The following ABCA13 variants were observed in gnomAD, a reference collection of about 807,000 sequenced individuals.
The protein encoded by ABCA13 is ATP-binding cassette sub-family A member 13.
Under a neutral mutation model 478.7 loss-of-function variants are expected in ABCA13, and 476 were observed. The ratio of observed to expected loss-of-function variants is 0.99; its 90% CI spans 0.92 to 1.07. ABCA13 has a LOEUF of 1.07. Among genes scored for constraint, ABCA13 ranks in the 50% least tolerant of loss-of-function variants. The pLI is 0.00. For synonymous variants in ABCA13, 2,252 were observed against 2,158.9 expected, an observed-to-expected ratio of 1.04 and a Z score of -1.20; for missense variants, 6,060 against 5,910.6, an observed-to-expected ratio of 1.03 and a Z score of -0.83.
At position 48,481,055 on chromosome 7, in the gene ABCA13, C is replaced by G; in HGVS notation, c.12995C>G (p.Ala4332Gly). The G allele has an allele frequency of 6.3e-7, 1 of 1,597,456 alleles. No individual in the cohort carries two copies. The highest frequency in any genetic ancestry group is 8.5e-7 in the Non-Finnish European group (1 of 1,171,416). ...TTTCAGAAGTGTCCAAATAGAAGTG[C>G]TAGTGCTCCCTACCTGACCAACCAC... ...CGCLKCPNRS[A>G]SAPYLTNHLG... The change falls in exon 46 of 62, where the codon GCT becomes GGT. Residue 4332 changes from alanine to glycine, a missense_variant. Coordinates refer to ENST00000435803, the MANE Select transcript of ABCA13 (RefSeq NM_152701.5).
At chr7:48,482,901 A>G (rs1828919278) in intron 46 of ABCA13, among the ~76,000 whole-genome samples, 175 bp from the exon 47 acceptor site, 1 of 152,210 alleles carries the variant, frequency 6.6e-6, no homozygotes, top group Non-Finnish European at 1.5e-5. Flanking sequence ...GGAGCCAGGA[A>G]ACTTGCATCA....
chr7:48,248,162 G>A lies in ABCA13; in HGVS notation c.1660-77G>A, dbSNP rs1791989033. ...AGTGGACCCCTTGTTTAGTGATACA[G>A]GGTCAAGGCTGCGTCTCAAATACCC... On this transcript the variant is annotated intron_variant, in intron 13 of 61. Transcript: ENST00000435803. 2.4e-6 allele frequency: 3 copies of A among 1,244,970 alleles called. No individual in the cohort carries two copies. The South Asian group carries it at 4.3e-5, about 18-fold the overall frequency. The allele number at this position is 1,244,970 out of a possible 1,614,324, so 77.1% of individuals were successfully genotyped here. A position where few individuals can be genotyped will look rare whatever the true frequency, so the allele number is the denominator to read the frequency against.
Position 48,590,724 on chromosome 7 carries a change from C to T in ABCA13, c.14640+3436C>T, listed in dbSNP as rs1410425382. ...CTCATTGTGGTTTTCATTTGCATTTCCCTGATTATTAATAATGTCGAACAT... is the reference window on the plus strand; with the variant it reads ...CTCATTGTGGTTTTCATTTGCATTTTCCTGATTATTAATAATGTCGAACAT... On this transcript the variant is annotated intron_variant, in intron 57 of 61. Coordinates refer to ENST00000435803, the MANE Select transcript of ABCA13 (RefSeq NM_152701.5). Among the ~76,000 whole-genome samples the T allele has an allele frequency of 2.6e-5, 4 of 152,104 alleles. No homozygotes were observed. In the East Asian group the frequency reaches 7.7e-4, roughly 29 times the overall value.
intron 45 of ABCA13, among the ~76,000 whole-genome samples, chr7:48,476,146 G>T (rs919687456): frequency 1.3e-5 from 2 of 152,186 alleles, no homozygotes; most frequent in African/African-American, 4.8e-5. Context: ...GTGAAATTAA[G>T]GTGTCTGAAG....
intron 59 of ABCA13, chr7:48,626,896 C>T (rs909869452): frequency 3.0e-6 from 3 of 985,216 alleles, no homozygotes; most frequent in African/African-American, 1.7e-5. Context: ...TATTCATGTT[C>T]TCTTTGCTAT....
In ABCA13 at chr7:48,278,449, T is replaced by C. The variant is rs1217206554; in HGVS notation, c.7255T>C (p.Cys2419Arg). Residue 2419 changes from cysteine to arginine, a missense_variant, in exon 18 of 62, where the codon TGT (cysteine) becomes CGT (arginine). Cys to Arg is a radical substitution (Grantham distance 180, BLOSUM62 -3). Transcript: ENST00000435803. ...GTCAGCTCTTCACCTTGTAAGAGAA[T>C]GTTCAACAGAGATGGCAAGACTTCT... ...LGSALHLVRECSTEMARLLDT... is the reference protein window; with the variant it reads ...LGSALHLVRERSTEMARLLDT... 1 of 1,614,006 alleles carries C rather than the reference T, an allele frequency of 6.2e-7. No homozygotes were observed. The highest frequency in any genetic ancestry group is 8.5e-7 in the Non-Finnish European group (1 of 1,179,878).
intron 1 of ABCA13, among the ~76,000 whole-genome samples, chr7:48,171,818 G>T (rs538238634): frequency 1.3e-5 from 2 of 152,208 alleles, no homozygotes; most frequent in Non-Finnish European, 2.9e-5. Context: ...AAACAAAAAA[G>T]CAGGTGGAAT....
intron 59 of ABCA13, among the ~76,000 whole-genome samples, chr7:48,641,886 A>G (rs991063457): frequency 1.2e-4 from 19 of 152,198 alleles, no homozygotes; most frequent in Non-Finnish European, 2.4e-4. Flanking sequence ...TGATCGTGTT[A>G]TTCAGCAGCA....
chr7:48,373,320 C>T (rs773720871), intron 33 of ABCA13, among the ~76,000 whole-genome samples: 13 of 152,140 alleles, frequency 8.5e-5, no homozygotes, highest in Admixed American at 2.0e-4. Context: ...GGATTCATGA[C>T]GGCCCCAGTG....
At chr7:48,643,686 T>C (rs1795262052) in intron 60 of ABCA13, among the ~76,000 whole-genome samples, 1 of 152,234 alleles carries the variant, frequency 6.6e-6, no homozygotes, top group Non-Finnish European at 1.5e-5. Flanking sequence ...ATAACTCATC[T>C]TGTTCAGCAT....
intron 20 of ABCA13, among the ~76,000 whole-genome samples, chr7:48,294,443 TTTTG>T: frequency 2.6e-5 from 1 of 38,490 alleles, no homozygotes; most frequent in Non-Finnish European, 6.5e-5. Context: ...TTTTTTTTTG[TTTTG>T]TTTTTTTTTT....
rs1293141784 is a variant in ABCA13 at position 48,455,177 on chromosome 7, T to C, written c.12706T>C (p.Phe4236Leu). 1 of 1,587,894 alleles carries C rather than the reference T, an allele frequency of 6.3e-7. No homozygotes were observed. The highest frequency in any genetic ancestry group is 1.1e-5 in the South Asian group (1 of 87,026). The change falls in exon 43 of 62, where the codon TTC becomes CTC. Residue 4236 changes from phenylalanine (F) to leucine (L), a missense_variant. By Grantham distance (22) the Phe-to-Leu change is conservative. Transcript: ENST00000435803. The stretch of plus-strand genomic sequence containing the variant: ...CGCCGACCTGCTGCTGCCAGTCCTC[T>C]TCGTGGCCTTGGCCATGGGCTTGTT... ...TLADLLLPVL[F>L]VALAMGLFMV...
At chr7:48,514,558 CA>C (rs1831967971) in intron 51 of ABCA13, among the ~76,000 whole-genome samples, 1 of 152,180 alleles carries the variant, frequency 6.6e-6, no homozygotes, top group African/African-American at 2.4e-5. Flanking sequence ...ATTTGGCTCA[CA>C]AACTTCTACT....
intron 55 of ABCA13, among the ~76,000 whole-genome samples, chr7:48,543,744 A>G (rs868755652): frequency 1.3e-4 from 19 of 151,960 alleles, no homozygotes; most frequent in South Asian, 2.1e-4. Flanking sequence ...ATAAAAATGC[A>G]AAACAAACAA....
intron 33 of ABCA13, among the ~76,000 whole-genome samples, chr7:48,373,471 A>G (rs1026726118): frequency 1.8e-4 from 27 of 152,254 alleles, no homozygotes; most frequent in Non-Finnish European, 3.5e-4. Context: ...CCATATGCTC[A>G]CAACAAAGAT....
At chr7:48,327,027 G>A (rs1273624972) in intron 27 of ABCA13, among the ~76,000 whole-genome samples, 1 of 152,180 alleles carries the variant, frequency 6.6e-6, no homozygotes. Context: ...TAATTTCACT[G>A]TTTTAAATGC....
intron 19 of ABCA13, among the ~76,000 whole-genome samples, chr7:48,282,364 C>T (rs1400320047): frequency 6.6e-6 from 1 of 152,196 alleles, no homozygotes; most frequent in Admixed American, 6.5e-5. Flanking sequence ...TGCTGCCATC[C>T]TCTGGCCCAG....
chr7:48,369,791 A>G (rs1392680294), intron 32 of ABCA13, among the ~76,000 whole-genome samples: 1 of 152,074 alleles, frequency 6.6e-6, no homozygotes, highest in East Asian at 1.9e-4. Context: ...TTTGGTGACT[A>G]TGTCCTTATA....
intron 27 of ABCA13, among the ~76,000 whole-genome samples, chr7:48,323,613 A>G (rs775815124): frequency 7.9e-5 from 12 of 152,198 alleles, no homozygotes; most frequent in Non-Finnish European, 1.6e-4. Context: ...GGTAGGTACT[A>G]ATATCCCCAT....
Sources: allele counts gnomAD v4.1 joint callset (sites outside exome capture counted in the v4.1 genomes callset), GRCh38; gene constraint gnomAD v4.1.1; transcripts MANE v1.5; gene names NCBI Gene and HGNC (gene_info 2026-07-23, HGNC 2026-07-21).